SND1: variants seen among roughly 807,000 people sequenced by gnomAD.
SND1 encodes the protein staphylococcal nuclease domain-containing protein 1.
Under a neutral mutation model 121.7 loss-of-function variants are expected in SND1, and 38 were observed. The ratio of observed to expected loss-of-function variants is 0.31; its 90% CI spans 0.24 to 0.41. The LOEUF (loss-of-function observed/expected upper bound fraction) is 0.41, where lower values mean the gene tolerates loss of function less well. Ranked by LOEUF, SND1 falls within the 10% of genes least tolerant of loss-of-function variation. SND1 has a pLI of 1.00. For missense variants in SND1, 868 were observed against 1,184.6 expected (o/e 0.73, Z 3.92); for synonymous variants, 401 against 447.4 (o/e 0.90, Z 1.31).
intron 12 of SND1, among the ~76,000 whole-genome samples, chr7:127,875,840 G>T (rs1799678887): frequency 6.6e-6 from 1 of 152,072 alleles, no homozygotes; most frequent in Admixed American, 6.6e-5. Context: ...TTATAGGTTG[G>T]ACAAGGTCAT....
intron 12 of SND1, among the ~76,000 whole-genome samples, chr7:127,874,896 G>A (rs1799662129): frequency 6.6e-6 from 1 of 152,032 alleles, no homozygotes; most frequent in African/African-American, 2.4e-5. Context: ...CATTTTTAAT[G>A]TATTAAGGGC....
At chr7:127,683,210 TTC>T (rs1276468158) in intron 1 of SND1, among the ~76,000 whole-genome samples, 2 of 151,962 alleles carry the variant, frequency 1.3e-5, no homozygotes, top group African/African-American at 4.8e-5. Flanking sequence ...TGTAGTGTGT[TTC>T]TGTTTGTTTC....
intron 13 of SND1, among the ~76,000 whole-genome samples, chr7:127,901,341 C>G (rs1400616887): frequency 6.6e-6 from 1 of 152,158 alleles, no homozygotes; most frequent in Non-Finnish European, 1.5e-5. Flanking sequence ...GAATTTGCTC[C>G]TCTCCTCTGT....
At chr7:127,909,495 A>G (rs1222683780) in intron 14 of SND1, among the ~76,000 whole-genome samples, 1 of 151,470 alleles carries the variant, frequency 6.6e-6, no homozygotes. Context: ...TTTATCACCA[A>G]GGCTGGACTG....
intron 16 of SND1, among the ~76,000 whole-genome samples, chr7:127,993,714 T>A (rs569765791): frequency 2.0e-5 from 3 of 152,378 alleles, no homozygotes; most frequent in African/African-American, 7.2e-5. Flanking sequence ...GTTTTAAATT[T>A]TTTTCATGTC....
intron 10 of SND1, among the ~76,000 whole-genome samples, chr7:127,733,497 C>T (rs985463245): frequency 1.3e-5 from 2 of 152,152 alleles, no homozygotes; most frequent in Admixed American, 1.3e-4. Flanking sequence ...CTGTCTTTTA[C>T]CTAGGTCCCC....
At chr7:127,982,850 G>T (rs778653984) in intron 15 of SND1, among the ~76,000 whole-genome samples, 1 of 152,168 alleles carries the variant, frequency 6.6e-6, no homozygotes. Flanking sequence ...AGTTTTTGGT[G>T]TATGAGCTAT....
chr7:128,003,272 G>A (rs1428406270), intron 16 of SND1, among the ~76,000 whole-genome samples: 1 of 152,116 alleles, frequency 6.6e-6, no homozygotes, highest in Non-Finnish European at 1.5e-5. Context: ...GACTGAAAAG[G>A]ATAGGAAAAG....
intron 11 of SND1, among the ~76,000 whole-genome samples, chr7:127,840,544 T>C (rs1352549379): frequency 4.6e-5 from 7 of 152,252 alleles, no homozygotes; most frequent in African/African-American, 1.7e-4. Context: ...CATGCCGTTT[T>C]ATACATACTT....
chr7:127,911,248 A>G (rs1800446280), intron 14 of SND1, among the ~76,000 whole-genome samples: 1 of 152,252 alleles, frequency 6.6e-6, no homozygotes, highest in Non-Finnish European at 1.5e-5. Flanking sequence ...GAAACATGCC[A>G]TCACCTCTGT....
At chr7:128,064,270 G>A (rs1032041246) in intron 16 of SND1, among the ~76,000 whole-genome samples, 15 of 152,132 alleles carry the variant, frequency 9.9e-5, no homozygotes, top group African/African-American at 3.6e-4. Flanking sequence ...AGAAGGAGGT[G>A]GTCTGGCCCT....
At chr7:128,023,293 C>T (rs1414132091) in intron 16 of SND1, among the ~76,000 whole-genome samples, 1 of 152,152 alleles carries the variant, frequency 6.6e-6, no homozygotes, top group East Asian at 1.9e-4. Flanking sequence ...CCTAGTGCCT[C>T]CCCACTCCCC....
At position 127,859,822 on chromosome 7, in the gene SND1, T is replaced by C. The variant is rs550953386; in HGVS notation, c.1343+15398T>C. On this transcript the variant is annotated intron_variant, in intron 12 of 23. Coordinates refer to ENST00000354725, the MANE Select transcript of SND1 (RefSeq NM_014390.4). ...AGTGGTGATTCTGATGTGCACCCAATATTGCTAACCACTGAGAAAGGGAGT... is the reference window on the plus strand; with the variant it reads ...AGTGGTGATTCTGATGTGCACCCAACATTGCTAACCACTGAGAAAGGGAGT... 6.6e-5 allele frequency among the ~76,000 whole-genome samples: 10 copies of C among 152,210 alleles called. No individual in the cohort carries two copies. In the South Asian group the frequency reaches 2.1e-3, roughly 32 times the overall value.
chr7:127,805,372 A>G (rs1310815013), intron 10 of SND1, among the ~76,000 whole-genome samples: 1 of 152,180 alleles, frequency 6.6e-6, no homozygotes, highest in African/African-American at 2.4e-5. Flanking sequence ...ATTTCCACAT[A>G]TGATCTGGGA....
intron 10 of SND1, among the ~76,000 whole-genome samples, chr7:127,749,042 C>CG (rs1554420684): frequency 1.9e-4 from 22 of 114,606 alleles, no homozygotes; most frequent in Non-Finnish European, 3.8e-4. Context: ...TTTTTTCTTT[C>CG]GTTTTTTTTT....
intron 1 of SND1, among the ~76,000 whole-genome samples, chr7:127,674,209 G>GC (rs1051117197): frequency 7.2e-5 from 11 of 152,098 alleles, no homozygotes; most frequent in African/African-American, 2.7e-4. Context: ...GGAATGTTTA[G>GC]CCAAGATCTG....
intron 14 of SND1, among the ~76,000 whole-genome samples, chr7:127,922,194 T>G (rs113035042): frequency 0.027 from 1,736 of 63,544 alleles, 21 homozygotes; most frequent in South Asian, 0.13. Context: ...TTTTTTTTTT[T>G]TTTTTTTTTG....
intron 10 of SND1, among the ~76,000 whole-genome samples, chr7:127,795,139 G>C (rs1797991841): frequency 1.3e-5 from 2 of 152,018 alleles, no homozygotes; most frequent in African/African-American, 4.8e-5. Context: ...ACAACTATTA[G>C]CTAGGTAGAA....
At chr7:127,879,552 C>T (rs536246279) in intron 12 of SND1, among the ~76,000 whole-genome samples, 4 of 152,236 alleles carry the variant, frequency 2.6e-5, no homozygotes, top group Admixed American at 2.0e-4. Flanking sequence ...TATCAGCACC[C>T]TGTAGCTTTC....
Sources: gnomAD v4.1 joint callset for allele counts (sites outside exome capture counted in the v4.1 genomes callset) on GRCh38, gnomAD v4.1.1 for gene constraint, MANE v1.5 for transcripts, NCBI Gene and HGNC (gene_info 2026-07-23, HGNC 2026-07-21) for gene names.